The following UMAD1 variants were observed in gnomAD, a reference collection of about 807,000 sequenced individuals.
UMAD1 encodes the protein UBAP1-MVB12-associated (UMA) domain containing 1, also known as UBAP1-MVB12-associated (UMA)-domain containing protein 1.
A neutral mutation model predicts 6.1 loss-of-function variants in UMAD1; 8 were observed. The ratio of observed to expected loss-of-function variants is 1.30; its 90% confidence interval spans 0.76 to 2.35. UMAD1 has a LOEUF of 2.35. Ranked by LOEUF, UMAD1 falls within the 30% of genes most tolerant of loss-of-function variation. UMAD1 has a pLI of 0.00. For synonymous variants in UMAD1, 56 were observed against 31.4 expected (o/e 1.78, Z -2.61); for missense variants, 130 against 78.4 (o/e 1.66, Z -2.49).
chr7:7,768,851 G>A (rs750163211), intron 2 of UMAD1, among the ~76,000 whole-genome samples: 31 of 152,224 alleles, frequency 2.0e-4, no homozygotes, highest in Non-Finnish European at 3.4e-4. Context: ...AGCGTCTTAT[G>A]TTATTCATCT....
At chr7:7,672,746 A>G (rs138871779) in intron 1 of UMAD1, among the ~76,000 whole-genome samples, 2 of 152,094 alleles carry the variant, frequency 1.3e-5, no homozygotes, top group Admixed American at 1.3e-4. Context: ...AGTCAATTAA[A>G]TCTCCTTTCT....
chr7:7,722,601 G>T (rs1781072151), intron 2 of UMAD1, among the ~76,000 whole-genome samples: 1 of 152,168 alleles, frequency 6.6e-6, no homozygotes, highest in Non-Finnish European at 1.5e-5. Context: ...GGAAAATGAT[G>T]AATTCAGGGA....
intron 3 of UMAD1, among the ~76,000 whole-genome samples, chr7:7,814,952 G>A (rs536809052): frequency 2.6e-5 from 4 of 152,202 alleles, no homozygotes; most frequent in East Asian, 1.9e-4. Context: ...AGGGTGTACC[G>A]CAGGCATCTT....
chr7:7,792,848 A>G (rs1405932200), intron 2 of UMAD1, among the ~76,000 whole-genome samples: 3 of 152,196 alleles, frequency 2.0e-5, no homozygotes, highest in Non-Finnish European at 4.4e-5. Flanking sequence ...TTTGGTTCGT[A>G]GAAGGCATCT....
chr7:7,790,076 A>C (rs1242280119), intron 2 of UMAD1, among the ~76,000 whole-genome samples: 2 of 151,844 alleles, frequency 1.3e-5, no homozygotes, highest in African/African-American at 4.9e-5. Flanking sequence ...AAGTAGGCAG[A>C]TAATAGTCTG....
intron 3 of UMAD1, among the ~76,000 whole-genome samples, chr7:7,841,855 T>C (rs933239391): frequency 6.6e-6 from 1 of 152,194 alleles, no homozygotes; most frequent in Non-Finnish European, 1.5e-5. Flanking sequence ...ATATTTTGTT[T>C]CCAATTGTCT....
At chr7:7,754,721 A>G (rs977225803) in intron 2 of UMAD1, among the ~76,000 whole-genome samples, 5 of 152,242 alleles carry the variant, frequency 3.3e-5, no homozygotes, top group Non-Finnish European at 5.9e-5. Flanking sequence ...GAAAACTTCT[A>G]AGTATATTTA....
At chr7:7,854,053 A>G (rs74629220) in intron 3 of UMAD1, among the ~76,000 whole-genome samples, 3,062 of 152,158 alleles carry the variant, frequency 0.02, 106 homozygotes, top group African/African-American at 0.069. Flanking sequence ...AGATTGGACA[A>G]TTTATAAAGA....
At chr7:7,767,286 C>T (rs1045312096) in intron 2 of UMAD1, among the ~76,000 whole-genome samples, 2 of 152,086 alleles carry the variant, frequency 1.3e-5, no homozygotes, top group East Asian at 1.9e-4. Context: ...CCACCACACC[C>T]GGCTAATTTT....
At chr7:7,857,853 C>T (rs1784047160) in intron 3 of UMAD1, among the ~76,000 whole-genome samples, 1 of 152,094 alleles carries the variant, frequency 6.6e-6, no homozygotes, top group Admixed American at 6.6e-5. Context: ...TGGGAGAAAA[C>T]ATAAGTATGA....
intron 2 of UMAD1, among the ~76,000 whole-genome samples, chr7:7,793,363 G>A (rs147377780): frequency 1.2e-4 from 19 of 152,256 alleles, no homozygotes; most frequent in African/African-American, 4.6e-4. Flanking sequence ...AGAATAATGA[G>A]TGTGACTGAA....
At chr7:7,809,579 T>C (rs180953850) in intron 3 of UMAD1, among the ~76,000 whole-genome samples, 1 of 152,104 alleles carries the variant, frequency 6.6e-6, no homozygotes, top group East Asian at 1.9e-4. Flanking sequence ...CTTTTAGCAA[T>C]TTTGAGTATA....
intron 3 of UMAD1, among the ~76,000 whole-genome samples, chr7:7,831,467 T>C (rs1471159422): frequency 1.3e-5 from 2 of 152,184 alleles, no homozygotes; most frequent in African/African-American, 2.4e-5. Flanking sequence ...ATGAAAGAAG[T>C]CAATGAAAGA....
intron 3 of UMAD1, among the ~76,000 whole-genome samples, chr7:7,871,989 A>G (rs1784340676): frequency 6.6e-6 from 1 of 152,064 alleles, no homozygotes; most frequent in African/African-American, 2.4e-5. Context: ...CTCCCACCAC[A>G]TCAAGAATCT....
At chr7:7,815,699 G>C (rs184949416) in intron 3 of UMAD1, among the ~76,000 whole-genome samples, 11 of 152,184 alleles carry the variant, frequency 7.2e-5, no homozygotes, top group Admixed American at 3.3e-4. Flanking sequence ...ATCTCTAACA[G>C]TTTTACTGGC....
chr7:7,874,537 C>G lies in UMAD1; in HGVS notation c.157-2744C>G, dbSNP rs562086427. On this transcript the variant is annotated intron_variant, in intron 3 of 3. Coordinates refer to ENST00000682710, the MANE Select transcript of UMAD1 (RefSeq NM_001302348.2). ...CATTCATTTAAAATACAAAATCAGG[C>G]CGGGCACAGTGGCTCACGCCTGTAA... 2.6e-4 allele frequency among the ~76,000 whole-genome samples: 39 copies of G among 152,178 alleles called. 1 individual carries two copies. The South Asian group carries it at 7.7e-3, about 30-fold the overall frequency.
chr7:7,767,333 GC>G (rs1416551755), intron 2 of UMAD1, among the ~76,000 whole-genome samples: 3 of 151,950 alleles, frequency 2.0e-5, no homozygotes, highest in Non-Finnish European at 4.4e-5. Flanking sequence ...CACCATGTTA[GC>G]CAGGATGGTC....
chr7:7,831,861 T>C (rs982916911), intron 3 of UMAD1, among the ~76,000 whole-genome samples: 4 of 152,338 alleles, frequency 2.6e-5, no homozygotes, highest in Non-Finnish European at 5.9e-5. Flanking sequence ...ATGCAAATTT[T>C]CTTCTAAATG....
chr7:7,780,349 C>T (rs1358711287), intron 2 of UMAD1, among the ~76,000 whole-genome samples: 2 of 152,206 alleles, frequency 1.3e-5, no homozygotes, highest in Non-Finnish European at 2.9e-5. Context: ...ACCTCCTTTC[C>T]TTCTAGCAAT....
Sources: gnomAD v4.1 joint callset for allele counts (sites outside exome capture counted in the v4.1 genomes callset) on GRCh38, gnomAD v4.1.1 for gene constraint, MANE v1.5 for transcripts, NCBI Gene and HGNC (gene_info 2026-07-23, HGNC 2026-07-21) for gene names.